ZMYND8: variants seen among roughly 807,000 people sequenced by gnomAD.
The protein encoded by ZMYND8 is zinc finger MYND-type containing 8, also known as MYND-type zinc finger-containing chromatin reader ZMYND8.
Under a neutral mutation model 140.8 loss-of-function variants are expected in ZMYND8, and 37 were observed. The ratio of observed to expected loss-of-function variants is 0.26; its 90% CI spans 0.20 to 0.35. ZMYND8 has a LOEUF of 0.35. Ranked by LOEUF, ZMYND8 falls within the 10% of genes least tolerant of loss-of-function variation. The pLI is 1.00. For synonymous variants in ZMYND8, 592 were observed against 597.1 expected (o/e 0.99, Z 0.12); for missense variants, 1,068 against 1,570.0 (o/e 0.68, Z 5.40).
chr20:47,317,229 A>G (rs1385854487), intron 2 of ZMYND8, among the ~76,000 whole-genome samples: 2 of 152,158 alleles, frequency 1.3e-5, no homozygotes, highest in African/African-American at 4.8e-5. Flanking sequence ...TTCACTGATG[A>G]CACCGTTCTC....
At chr20:47,239,997 G>A (rs189618236) in intron 14 of ZMYND8, among the ~76,000 whole-genome samples, 32 of 152,314 alleles carry the variant, frequency 2.1e-4, no homozygotes, top group Non-Finnish European at 3.7e-4. Flanking sequence ...AGCACTTCGG[G>A]AGGCTGAGGC....
chr20:47,314,050 A>G (rs994731173), intron 2 of ZMYND8, among the ~76,000 whole-genome samples: 2 of 152,222 alleles, frequency 1.3e-5, no homozygotes, highest in Non-Finnish European at 2.9e-5. Context: ...TCCTGGATGA[A>G]CACAAAAGTA....
intron 3 of ZMYND8, among the ~76,000 whole-genome samples, chr20:47,303,546 C>T (rs1358716820): frequency 2.6e-5 from 4 of 152,086 alleles, no homozygotes; most frequent in African/African-American, 9.7e-5. Flanking sequence ...GGCGAAACCC[C>T]GTCTCTACTA....
At chr20:47,246,622 C>A (rs1156826220) in intron 13 of ZMYND8, 105 bp from the exon 14 acceptor site, 1 of 1,441,310 alleles carries the variant, frequency 6.9e-7, no homozygotes, top group East Asian at 2.4e-5. Context: ...AAGAAAAGCA[C>A]GTTTCAAATC....
intron 5 of ZMYND8, among the ~76,000 whole-genome samples, chr20:47,293,791 C>A (rs185659799): frequency 2.0e-3 from 301 of 152,222 alleles, no homozygotes; most frequent in Non-Finnish European, 3.7e-3. Context: ...GTGTCCCCAC[C>A]CAACCTCATC....
At chr20:47,220,232 C>A in intron 21 of ZMYND8, 26 bp downstream of exon 21, 1 of 1,547,298 alleles carries the variant, frequency 6.5e-7, no homozygotes, top group Non-Finnish European at 8.8e-7. Context: ...GTGAAAGCAC[C>A]GTTCGCCCAC....
rs538600336 is a variant in ZMYND8, at chr20:47,210,991, C to T, written c.3569-94G>A. On this transcript the variant is annotated intron_variant, in intron 22 of 22. Transcript: ENST00000471951. The stretch of plus-strand genomic sequence containing the variant: ...TGACCTGCCCCTCCTGCACAGGAAA[C>T]CACCTTCCCCTCCCAATTGATGGTT... 4.0e-6 allele frequency: 6 copies of T among 1,515,792 alleles called. No homozygotes were observed. The South Asian group carries it at 7.7e-5, about 19-fold the overall frequency. 93.9% of individuals were successfully genotyped at this position (1,515,792 alleles called of 1,614,324 possible). A position where few individuals can be genotyped will look rare whatever the true frequency, so the allele number is the denominator to read the frequency against.
In ZMYND8 at chr20:47,210,913, A is replaced by G. The variant is rs200637660; in HGVS notation, c.3569-16T>C. ...CGGGAATGGTCTGAGGGGGAAAACCAATGTGTTTAGCGTGCCTGCCCACCT... is the reference window on the plus strand; with the variant it reads ...CGGGAATGGTCTGAGGGGGAAAACCGATGTGTTTAGCGTGCCTGCCCACCT... On this transcript the variant is annotated splice_polypyrimidine_tract_variant and intron_variant, in intron 22 of 22. Transcript: ENST00000471951. 3 of 1,612,340 alleles carry G rather than the reference A, an allele frequency of 1.9e-6. No individual in the cohort carries two copies. In the African/African-American group the frequency reaches 4.0e-5, roughly 22 times the overall value.
chr20:47,316,183 T>C (rs904318503), intron 2 of ZMYND8, among the ~76,000 whole-genome samples: 1 of 150,904 alleles, frequency 6.6e-6, no homozygotes. Flanking sequence ...ATACAAAAAT[T>C]AGCTGAATGT....
Position 47,209,697 on chromosome 20 carries a change from T to G in ZMYND8, c.*1064A>C, listed in dbSNP as rs745391357. On this transcript the variant is annotated 3_prime_UTR_variant, in exon 23 of 23. Transcript: ENST00000471951. ...TTGCTTTTTCATCAATGCTTTTTGT[T>G]TTACACAACATACAAAATGGCTCTA... is the stretch of plus-strand genomic sequence containing the variant. 3 of 152,682 alleles carry G rather than the reference T, an allele frequency of 2.0e-5. No individual in the cohort carries two copies. Among genetic ancestry groups the G allele is most frequent in the Non-Finnish European group, 4.4e-5 (3 of 68,046 alleles). The allele number at this position is 152,682 out of a possible 1,614,324, so 9.5% of individuals were successfully genotyped here.
Position 47,246,070 on chromosome 20 carries a change from T to C in ZMYND8, c.2222A>G (p.His741Arg). ...SELVIDLGEDHSGREGRKNKK... is the reference protein window; with the variant it reads ...SELVIDLGEDRSGREGRKNKK... ...ATTTTTTCGACCCTCCCGCCCAGAA[T>C]GGTCTTCTCCTAAATCTATGACAAG... The change falls in exon 14 of 23, where the codon CAT (histidine) becomes CGT (arginine). Residue 741 changes from histidine (H) to arginine (R), a missense_variant. Coordinates refer to ENST00000471951, the MANE Select transcript of ZMYND8 (RefSeq NM_001281775.3). 6.2e-7 allele frequency: 1 copy of C among 1,613,926 alleles called. No homozygotes were observed. Among genetic ancestry groups the C allele is most frequent in the Non-Finnish European group, 8.5e-7 (1 of 1,179,968 alleles).
At position 47,314,895 on chromosome 20, in the gene ZMYND8, GGACTA is replaced by G. The variant is rs543387825; in HGVS notation, c.86-4696_86-4692del. Among the ~76,000 whole-genome samples, 204 of 152,258 alleles carry G rather than the reference GGACTA, an allele frequency of 1.3e-3. 2 individuals are homozygous for G. The highest frequency in any genetic ancestry group is 4.8e-3 in the African/African-American group (198 of 41,548). On this transcript the variant is annotated intron_variant, in intron 2 of 22. Coordinates refer to ENST00000471951, the MANE Select transcript of ZMYND8 (RefSeq NM_001281775.3). The stretch of plus-strand genomic sequence containing the variant: ...CAAAATGGGAAGAGCCGGGAGAAAG[GGACTA>G]GACTAGAAGTTCTTGTTTAAAGACC...
chr20:47,334,000 C>T (rs2081188159), intron 2 of ZMYND8, among the ~76,000 whole-genome samples: 1 of 151,976 alleles, frequency 6.6e-6, no homozygotes, highest in Non-Finnish European at 1.5e-5. Flanking sequence ...ATATACATAA[C>T]CTAGGGAACA....
intron 3 of ZMYND8, among the ~76,000 whole-genome samples, chr20:47,307,574 T>C (rs2078591105): frequency 6.6e-6 from 1 of 151,850 alleles, no homozygotes. Flanking sequence ...ACCCCATCTC[T>C]TAAAAAGAGG....
intron 12 of ZMYND8, among the ~76,000 whole-genome samples, chr20:47,255,738 A>ATATATATATATATATATATATACGG: frequency 3.2e-5 from 1 of 31,678 alleles, no homozygotes; most frequent in South Asian, 1.2e-3. Context: ...ATATATATAT[A>ATATATATATATATATATATATACGG]TATATATATA....
chr20:47,338,221 G>A (rs1330736144), intron 2 of ZMYND8, among the ~76,000 whole-genome samples: 4 of 152,188 alleles, frequency 2.6e-5, no homozygotes, highest in East Asian at 3.9e-4. Context: ...TGGACTTTGC[G>A]CTATTGTCCC....
intron 12 of ZMYND8, among the ~76,000 whole-genome samples, chr20:47,260,434 C>T (rs894788001): frequency 6.6e-6 from 1 of 152,190 alleles, no homozygotes; most frequent in Non-Finnish European, 1.5e-5. Flanking sequence ...GGGATGCAGC[C>T]ACCCTGGCCT....
At chr20:47,282,848 G>T (rs1478118871) in intron 9 of ZMYND8, among the ~76,000 whole-genome samples, 2 of 152,090 alleles carry the variant, frequency 1.3e-5, no homozygotes, top group East Asian at 3.8e-4. Flanking sequence ...CAGAGACAAT[G>T]ACACCAATAC....
At chr20:47,351,571 C>T (rs2082783307) in intron 1 of ZMYND8, 1 of 768,456 alleles carries the variant, frequency 1.3e-6, no homozygotes, top group Non-Finnish European at 1.6e-6. Flanking sequence ...ATCCCCAAGG[C>T]ATAACATCTT....
Sources: allele counts gnomAD v4.1 joint callset (sites outside exome capture counted in the v4.1 genomes callset), GRCh38; gene constraint gnomAD v4.1.1; transcripts MANE v1.5; gene names NCBI Gene and HGNC (gene_info 2026-07-23, HGNC 2026-07-21).